SMG7: variants seen among roughly 807,000 people sequenced by gnomAD.
SMG7 encodes nonsense-mediated mRNA decay factor SMG7.
SMG7 carries 34 observed loss-of-function variants against 148.2 expected under a neutral mutation model. That is an observed-to-expected ratio of 0.23 (90% CI 0.17 to 0.31). The LOEUF is 0.31. SMG7 is among the 10% of genes least tolerant of loss of function. The probability of loss-of-function intolerance (pLI) is 1.00; values close to 1 mark genes in which losing one functional copy is unlikely to be tolerated. For synonymous variants in SMG7, 492 were observed against 515.1 expected (o/e 0.96, Z 0.61); for missense variants, 1,114 against 1,408.4 (o/e 0.79, Z 3.35).
chr1:183,515,755 T>C, intron 2 of SMG7, 119 bp from the exon 3 acceptor site: 1 of 517,816 alleles, frequency 1.9e-6, no homozygotes, highest in Non-Finnish European at 3.5e-6. Context: ...TTCTATGGAA[T>C]ATATTTAGAG....
chr1:183,533,209 G>C lies in SMG7; in HGVS notation c.889G>C (p.Val297Leu), dbSNP rs770228705. Residue 297 changes from valine to leucine, a missense_variant, in exon 9 of 23, where the codon GTC becomes CTC. Physicochemically the swap from Val to Leu is conservative, Grantham distance 32. Transcript: ENST00000688051. ...KAFNSQQLVH[V>L]TVINLFQLHH... ...TTTCAACTCTCAGCAGTTAGTTCAT[G>C]TCACTGTCATTAACCTGTTTCAACT... 7.6e-5 allele frequency: 123 copies of C among 1,613,784 alleles called. 2 individuals carry two copies. The East Asian group carries it at 2.7e-3, about 36-fold the overall frequency.
intron 4 of SMG7, among the ~76,000 whole-genome samples, chr1:183,520,107 A>T (rs1664446828): frequency 6.6e-6 from 1 of 152,032 alleles, no homozygotes; most frequent in African/African-American, 2.4e-5. Flanking sequence ...ACATTTAAGG[A>T]AACAAATAGA....
chr1:183,475,879 GA>G (rs200962519), intron 1 of SMG7, among the ~76,000 whole-genome samples: 8,893 of 151,888 alleles, frequency 0.059, 388 homozygotes, highest in East Asian at 0.16. Context: ...GAAGAAGGGA[GA>G]AAAAAAATGA....
chr1:183,528,112 A>G, intron 6 of SMG7, 85 bp downstream of exon 6: 1 of 919,786 alleles, frequency 1.1e-6, no homozygotes, highest in Non-Finnish European at 1.6e-6. Context: ...TCACCTTTGA[A>G]GTTTTATGAA....
Position 183,483,939 on chromosome 1 carries a change from C to T in SMG7, c.29+11290C>T, listed in dbSNP as rs185483430. 1.8e-3 allele frequency among the ~76,000 whole-genome samples: 273 copies of T among 152,216 alleles called. 2 individuals are homozygous for T. The highest frequency in any genetic ancestry group is 3.4e-3 in the Non-Finnish European group (231 of 68,000). ...TTTTTGGCTCCCTAAGACAGCGGCA[C>T]GGCATAGCAAGTTGAATGAGCCAAG... On this transcript the variant is annotated intron_variant, in intron 1 of 22. Transcript: ENST00000688051.
At chr1:183,472,768 G>A (rs1301793652) in intron 1 of SMG7, 119 bp downstream of exon 1, 5 of 957,364 alleles carry the variant, frequency 5.2e-6, no homozygotes, top group African/African-American at 3.4e-5. Context: ...CTCCTCGCCG[G>A]GCAGGTCGGC....
chr1:183,537,815 C>G (rs1572050724), intron 11 of SMG7, among the ~76,000 whole-genome samples: 1 of 152,168 alleles, frequency 6.6e-6, no homozygotes. Context: ...TATTTACGCA[C>G]TTTCTGTTGC....
intron 20 of SMG7, 70 bp from the exon 21 acceptor site, chr1:183,550,681 G>A (rs1670855359): frequency 1.4e-6 from 2 of 1,477,830 alleles, no homozygotes; most frequent in East Asian, 2.3e-5. Context: ...CAGATCTACA[G>A]GAACCTGTAG....
intron 3 of SMG7, 122 bp downstream of exon 3, chr1:183,516,113 G>A: frequency 1.5e-6 from 1 of 654,820 alleles, no homozygotes; most frequent in Non-Finnish European, 2.7e-6. Flanking sequence ...TCAATGGAAA[G>A]TAATTCTAGT....
In SMG7 at chr1:183,512,830, T is replaced by TTTTTTAGGCAGGCAGA; in HGVS notation, c.30-7_30-6insTTTTTAGGCAGGCAGA. ...ACTCTTTTTTTTTTTTTTTTTTTTC[T>TTTTTTAGGCAGGCAGA]ATCTAGGCAGGCAGAAGTCCTGAAG... On this transcript the variant is annotated splice_region_variant and splice_polypyrimidine_tract_variant and intron_variant, in intron 1 of 22. Transcript: ENST00000688051. 1 of 1,537,444 alleles carries TTTTTTAGGCAGGCAGA rather than the reference T, an allele frequency of 6.5e-7. No individual in the cohort carries two copies. Among genetic ancestry groups the TTTTTTAGGCAGGCAGA allele is most frequent in the Non-Finnish European group, 8.8e-7 (1 of 1,136,602 alleles).
chr1:183,523,854 CT>C (rs1665279795), intron 4 of SMG7, among the ~76,000 whole-genome samples: 2 of 151,790 alleles, frequency 1.3e-5, no homozygotes, highest in Non-Finnish European at 2.9e-5. Flanking sequence ...GTTTTCCAGT[CT>C]GTTTTTTCAT....
chr1:183,506,417 ATGATT>A (rs1660899601), intron 1 of SMG7, among the ~76,000 whole-genome samples: 1 of 152,160 alleles, frequency 6.6e-6, no homozygotes, highest in Admixed American at 6.5e-5. Context: ...GTAGAGCAAT[ATGATT>A]TATTTTTCTC....
intron 7 of SMG7, 81 bp downstream of exon 7, chr1:183,529,123 A>G (rs1666416350): frequency 1.5e-6 from 2 of 1,336,938 alleles, no homozygotes; most frequent in African/African-American, 2.9e-5. Flanking sequence ...TTTGGTTTAC[A>G]GAAAATAACG....
intron 18 of SMG7, among the ~76,000 whole-genome samples, chr1:183,547,846 A>G (rs184004480): frequency 1.0e-3 from 158 of 152,286 alleles, no homozygotes; most frequent in Middle Eastern, 3.4e-3. Flanking sequence ...GAAAATAACT[A>G]GAATCACATA....
chr1:183,490,311 T>C (rs2102194824), intron 1 of SMG7, among the ~76,000 whole-genome samples: 1 of 152,334 alleles, frequency 6.6e-6, no homozygotes, highest in East Asian at 1.9e-4. Flanking sequence ...AAAAGCAGGA[T>C]GGACGGAAAC....
At chr1:183,534,519 A>G (rs1220629877) in intron 10 of SMG7, among the ~76,000 whole-genome samples, 2 of 152,196 alleles carry the variant, frequency 1.3e-5, no homozygotes, top group South Asian at 2.1e-4. Context: ...CCCAGCATGT[A>G]TATTGACCAA....
intron 1 of SMG7, among the ~76,000 whole-genome samples, chr1:183,492,067 A>T (rs1251655877): frequency 6.6e-6 from 1 of 152,184 alleles, no homozygotes; most frequent in African/African-American, 2.4e-5. Flanking sequence ...TGTGTTGGGG[A>T]TTAAGATTTA....
Position 183,553,533 on chromosome 1 carries a change from C to CA in SMG7, c.*1603dup, listed in dbSNP as rs1671381047. On this transcript the variant is annotated 3_prime_UTR_variant, in exon 23 of 23. Coordinates refer to ENST00000688051, the MANE Select transcript of SMG7 (RefSeq NM_001375584.1). ...AAGCACATCCAGGAGCCCCAGTTGT[C>CA]ACTGCAGTCTGGGCAACCCCAGCAA... 1 of 254,124 alleles carries CA rather than the reference C, an allele frequency of 3.9e-6. No individual in the cohort carries two copies. Among genetic ancestry groups the CA allele is most frequent in the African/African-American group, 2.2e-5 (1 of 44,694 alleles). The allele number at this position is 254,124 out of a possible 1,614,324, so 15.7% of individuals were successfully genotyped here.
intron 7 of SMG7, 98 bp downstream of exon 7, chr1:183,529,140 G>A (rs1053511024): frequency 1.7e-6 from 2 of 1,161,442 alleles, no homozygotes; most frequent in Non-Finnish European, 2.4e-6. Flanking sequence ...AACGGCCTAT[G>A]CTTCTCTTAT....
Sources: gnomAD v4.1 joint callset for allele counts (sites outside exome capture counted in the v4.1 genomes callset) on GRCh38, gnomAD v4.1.1 for gene constraint, MANE v1.5 for transcripts, NCBI Gene and HGNC (gene_info 2026-07-23, HGNC 2026-07-21) for gene names.